Variants in LZTR1 observed in about 807,000 individuals in gnomAD.
The protein encoded by LZTR1 is leucine zipper like post translational regulator 1.
In LZTR1, 260 loss-of-function variants were observed where a neutral mutation model predicts 105.7. The observed-to-expected ratio is 2.46, with a 90% CI of 2.22 to 2.72. The LOEUF (loss-of-function observed/expected upper bound fraction) is 2.72. Among genes scored for constraint, LZTR1 ranks in the 30% most tolerant of loss-of-function variants. The pLI is 0.00. For missense variants in LZTR1, 1,214 were observed against 1,166.9 expected (o/e 1.04, Z -0.59); for synonymous variants, 490 against 476.4 (o/e 1.03, Z -0.37).
intron 16 of LZTR1, 119 bp downstream of exon 16, chr22:20,995,145 G>C: frequency 8.9e-7 from 1 of 1,128,922 alleles, no homozygotes; most frequent in Non-Finnish European, 1.3e-6. Flanking sequence ...GGTGCCATGG[G>C]ACCCCAGAGT....
chr22:20,997,641 C>T lies in LZTR1; in HGVS notation c.*293C>T, dbSNP rs2147971409. The T allele has an allele frequency of 3.4e-6, 1 of 293,972 alleles. No homozygotes were observed. Among genetic ancestry groups the T allele is most frequent in the Non-Finnish European group, 6.6e-6 (1 of 152,540 alleles). The allele number at this position is 293,972 out of a possible 1,614,324, so 18.2% of individuals were successfully genotyped here. On this transcript the variant is annotated 3_prime_UTR_variant, in exon 21 of 21. Transcript: ENST00000646124. ...ACGGCTCAGTGATGGGCTCACCACC[C>T]AGAAGTGGGGAGAGACTTTGGGCCT...
Position 20,993,733 on chromosome 22 carries a change from C to T in LZTR1, c.1332C>T (p.Asp444=), listed in dbSNP as rs373226374. Reference sequence around the variant, plus strand: ...TGTGGGAGAGCCGCCAGTTCTGCGACGTGGAGTTCGTGCTGGGTGAGGTGG... The same window carrying T: ...TGTGGGAGAGCCGCCAGTTCTGCGATGTGGAGTTCGTGCTGGGTGAGGTGG... ...GRLWESRQFC[D]VEFVLGEKEE... is the part of the protein sequence containing the mutation. Residue 444 remains aspartate (D), a synonymous_variant, in exon 12 of 21, where the codon GAC becomes GAT. Coordinates refer to ENST00000646124, the MANE Select transcript of LZTR1 (RefSeq NM_006767.4). 28 of 1,613,142 alleles carry T rather than the reference C, an allele frequency of 1.7e-5. No individual in the cohort carries two copies. Among genetic ancestry groups the T allele is most frequent in the African/African-American group, 4.0e-5 (3 of 74,934 alleles).
At chr22:20,994,779 A>G in intron 15 of LZTR1, 52 bp downstream of exon 15, 5 of 1,607,346 alleles carry the variant, frequency 3.1e-6, no homozygotes. Flanking sequence ...GCTCAGGCTT[A>G]GGCCCCCTCC....
At chr22:20,993,414 C>T in intron 11 of LZTR1, 1 of 577,322 alleles carries the variant, frequency 1.7e-6, no homozygotes, top group East Asian at 2.9e-5. Flanking sequence ...CAGCCGAAGG[C>T]AAGAGAGGCA....
intron 9 of LZTR1, among the ~76,000 whole-genome samples, 176 bp downstream of exon 9, chr22:20,992,005 T>C (rs1457815418): frequency 6.6e-6 from 1 of 152,202 alleles, no homozygotes; most frequent in Non-Finnish European, 1.5e-5. Flanking sequence ...CAGCCCCAGC[T>C]TCACCCCACA....
In LZTR1 at chr22:20,992,387, C is replaced by T; in HGVS notation, c.1149+18C>T. 1 of 1,606,506 alleles carries T rather than the reference C, an allele frequency of 6.2e-7. No homozygotes were observed. Among genetic ancestry groups the T allele is most frequent in the Non-Finnish European group, 8.5e-7 (1 of 1,176,324 alleles). On this transcript the variant is annotated intron_variant, in intron 10 of 20. Transcript: ENST00000646124. ...CCTCGGAGGTACAGGCTGGGATCCT[C>T]ATTAAGACTCCATCACCCCCTGAAA... is the stretch of plus-strand genomic sequence containing the variant.
At position 20,996,591 on chromosome 22, in the gene LZTR1, T is replaced by C. The variant is rs178295; in HGVS notation, c.2220-105T>C. 237,411 of 838,192 alleles carry C rather than the reference T, an allele frequency of 0.28. 34,040 individuals are homozygous for C. The highest frequency in any genetic ancestry group is 0.3 in the Non-Finnish European group (151,393 of 506,666). 51.9% of individuals were successfully genotyped at this position (838,192 alleles called of 1,614,324 possible). A position where few individuals can be genotyped will look rare whatever the true frequency, so the allele number is the denominator to read the frequency against. On this transcript the variant is annotated intron_variant, in intron 18 of 20. Coordinates refer to ENST00000646124, the MANE Select transcript of LZTR1 (RefSeq NM_006767.4). ...TAGTTCAGAATCCATTTGGAGAGCATGCTGGCGTGGGGGCTTGGGGCTCCA... is the reference window on the plus strand; with the variant it reads ...TAGTTCAGAATCCATTTGGAGAGCACGCTGGCGTGGGGGCTTGGGGCTCCA...
chr22:20,982,494 G>C lies in LZTR1; in HGVS notation c.123G>C (p.Leu41=). The C allele has an allele frequency of 1.2e-6, 2 of 1,612,748 alleles. No individual in the cohort carries two copies. Among genetic ancestry groups the C allele is most frequent in the South Asian group, 2.2e-5 (2 of 90,762 alleles). ...GCTGCTCGGACAGTGTCGAGTACCT[G>C]ACGCTCAACTTCGGGCCCTTCGAAA... ...DHSCSDSVEY[L]TLNFGPFETV... The change falls in exon 1 of 21, where the codon CTG becomes CTC. Residue 41 remains leucine (L), a synonymous_variant. Transcript: ENST00000646124.
Position 20,993,914 on chromosome 22 carries a change from C to T in LZTR1, c.1354-10C>T. On this transcript the variant is annotated splice_polypyrimidine_tract_variant and intron_variant, in intron 12 of 20. Transcript: ENST00000646124. ...CTGTGCCCTCTGCCAGTGCATCATT[C>T]TTTGTGCAGAAGGAGGAGTGCGTGC... 1 of 1,610,464 alleles carries T rather than the reference C, an allele frequency of 6.2e-7. No homozygotes were observed. The highest frequency in any genetic ancestry group is 1.3e-5 in the African/African-American group (1 of 75,074).
Position 20,993,961 on chromosome 22 carries a change from C to T in LZTR1, c.1391C>T (p.Thr464Ile), listed in dbSNP as rs950620957. 1 of 1,612,818 alleles carries T rather than the reference C, an allele frequency of 6.2e-7. No homozygotes were observed. The highest frequency in any genetic ancestry group is 8.5e-7 in the Non-Finnish European group (1 of 1,179,918). Reference sequence around the variant, plus strand: ...GTGCAGGGCCACGTAGCCATTGTCACAGCGCGGAGCCGCTGGCTTCGCAGG... The same window carrying T: ...GTGCAGGGCCACGTAGCCATTGTCATAGCGCGGAGCCGCTGGCTTCGCAGG... ...ECVQGHVAIV[T>I]ARSRWLRRKI... Residue 464 changes from threonine (T) to isoleucine (I), a missense_variant, in exon 13 of 21, where the codon ACA becomes ATA. By Grantham distance (89) the Thr-to-Ile change is moderately conservative. Transcript: ENST00000646124.
At chr22:20,993,409 G>T in intron 11 of LZTR1, 1 of 572,458 alleles carries the variant, frequency 1.7e-6, no homozygotes, top group Non-Finnish European at 3.1e-6. Context: ...GGGCCCAGCC[G>T]AAGGCAAGAG....
chr22:20,993,639 G>C, intron 11 of LZTR1, 23 bp from the exon 12 acceptor site: 1 of 1,603,600 alleles, frequency 6.2e-7, no homozygotes. Context: ...GCAACATCTA[G>C]TCTCACTGGG....
In LZTR1 at chr22:20,990,511, A is replaced by C. The variant is rs2147964122; in HGVS notation, c.777A>C (p.Glu259Asp). The C allele has an allele frequency of 5.6e-6, 9 of 1,612,398 alleles. No homozygotes were observed. The highest frequency in any genetic ancestry group is 7.6e-6 in the Non-Finnish European group (9 of 1,179,018). Reference sequence around the variant, plus strand: ...TAACCAACAACCTCTTCCAGTTTGAATTCAAGGACAAGACGTGAGTACTCT... The same window carrying C: ...TAACCAACAACCTCTTCCAGTTTGACTTCAAGGACAAGACGTGAGTACTCT... ...AKITNNLFQF[E>D]FKDKTWTRIP... The change falls in exon 8 of 21, where the codon GAA becomes GAC. Residue 259 changes from glutamate (E) to aspartate (D), a missense_variant. Coordinates refer to ENST00000646124, the MANE Select transcript of LZTR1 (RefSeq NM_006767.4).
At position 20,995,763 on chromosome 22, in the gene LZTR1, G is replaced by A. The variant is rs1924812950; in HGVS notation, c.1960G>A (p.Asp654Asn). 1.2e-6 allele frequency: 2 copies of A among 1,613,610 alleles called. No homozygotes were observed. The highest frequency in any genetic ancestry group is 8.5e-7 in the Non-Finnish European group (1 of 1,179,998). ...PVDIGTSLIQ[D>N]MKAYLEGAGA... ...ACCCCCAGGCACATCTCTGATCCAG[G>A]ACATGAAGGCATACCTGGAGGGAGC... Residue 654 changes from aspartate (D) to asparagine (N), a missense_variant, in exon 17 of 21, where the codon GAC becomes AAC. Coordinates refer to ENST00000646124, the MANE Select transcript of LZTR1 (RefSeq NM_006767.4).
At chr22:20,985,713 C>T (rs1924354980) in intron 2 of LZTR1, 128 bp from the exon 3 acceptor site, 1 of 766,566 alleles carries the variant, frequency 1.3e-6, no homozygotes, top group East Asian at 2.7e-5. Context: ...CAGCTGGTTG[C>T]CTGGCTGTGT....
chr22:20,986,102 C>G lies in LZTR1; in HGVS notation c.320+205C>G, dbSNP rs925509508. 1.0e-5 allele frequency: 6 copies of G among 600,210 alleles called. No homozygotes were observed. The Admixed American group carries it at 1.8e-4, about 18-fold the overall frequency. The allele number at this position is 600,210 out of a possible 1,614,324, so 37.2% of individuals were successfully genotyped here. On this transcript the variant is annotated intron_variant, in intron 3 of 20. Coordinates refer to ENST00000646124, the MANE Select transcript of LZTR1 (RefSeq NM_006767.4). ...TCAAGTAACCACCCCGCACCTGCAG[C>G]TGCCAAGCTGGGCACACAGGGCGGC...
chr22:20,987,782 TG>T (rs1335910352), intron 4 of LZTR1, among the ~76,000 whole-genome samples, 199 bp downstream of exon 4: 2 of 152,340 alleles, frequency 1.3e-5, no homozygotes, highest in African/African-American at 4.8e-5. Flanking sequence ...CTCACAGGGT[TG>T]GGTGTCTTTC....
intron 9 of LZTR1, among the ~76,000 whole-genome samples, 178 bp downstream of exon 9, chr22:20,992,007 C>T (rs1981611237): frequency 6.6e-6 from 1 of 152,240 alleles, no homozygotes; most frequent in African/African-American, 2.4e-5. Context: ...GCCCCAGCTT[C>T]ACCCCACAGC....
chr22:20,992,014 C>T (rs975564913), intron 9 of LZTR1, among the ~76,000 whole-genome samples, 185 bp downstream of exon 9: 11 of 152,252 alleles, frequency 7.2e-5, no homozygotes, highest in African/African-American at 2.2e-4. Context: ...CTTCACCCCA[C>T]AGCCTGCAGG....
Sources: gnomAD v4.1 joint callset for allele counts (sites outside exome capture counted in the v4.1 genomes callset) on GRCh38, gnomAD v4.1.1 for gene constraint, MANE v1.5 for transcripts, NCBI Gene and HGNC (gene_info 2026-07-23, HGNC 2026-07-21) for gene names.